The following CD2AP variants were observed in gnomAD, a reference collection of about 807,000 sequenced individuals.
CD2AP encodes the protein CD2 associated protein, also known as CD2-associated protein.
CD2AP carries 46 observed loss-of-function variants against 85.1 expected under a neutral mutation model. The ratio of observed to expected loss-of-function variants is 0.54; its 90% CI spans 0.43 to 0.69. The LOEUF is 0.69. Ranked by LOEUF, CD2AP falls within the 30% of genes least tolerant of loss-of-function variation. CD2AP has a pLI of 0.00. For synonymous variants in CD2AP, 255 were observed against 252.9 expected (o/e 1.01, Z -0.08); for missense variants, 769 against 729.5 (o/e 1.05, Z -0.62).
At chr6:47,586,989 G>A (rs1472664187) in intron 11 of CD2AP, among the ~76,000 whole-genome samples, 1 of 152,112 alleles carries the variant, frequency 6.6e-6, no homozygotes, top group African/African-American at 2.4e-5. Context: ...AATAGATCAG[G>A]TACCATGAAT....
intron 2 of CD2AP, among the ~76,000 whole-genome samples, chr6:47,530,373 T>A (rs1766841977): frequency 6.6e-6 from 1 of 152,230 alleles, no homozygotes. Context: ...CATCTCTCTT[T>A]CTGTGATCCT....
intron 2 of CD2AP, among the ~76,000 whole-genome samples, chr6:47,532,908 C>A (rs1235005424): frequency 2.6e-5 from 4 of 152,096 alleles, no homozygotes; most frequent in Non-Finnish European, 5.9e-5. Context: ...TTCATGTCTT[C>A]CAGTAAAATT....
chr6:47,624,080 A>T, intron 17 of CD2AP, 106 bp from the exon 18 acceptor site: 2 of 952,886 alleles, frequency 2.1e-6, no homozygotes, highest in Non-Finnish European at 3.3e-6. Context: ...TCTGGAAAAA[A>T]AGTCTGAAGG....
At chr6:47,540,667 G>C (rs932085398) in intron 3 of CD2AP, among the ~76,000 whole-genome samples, 2 of 151,908 alleles carry the variant, frequency 1.3e-5, no homozygotes, top group African/African-American at 4.8e-5. Context: ...AATATAACTA[G>C]GCTGCTCAGA....
chr6:47,506,779 T>G (rs1362505589), intron 2 of CD2AP, among the ~76,000 whole-genome samples: 3 of 131,344 alleles, frequency 2.3e-5, no homozygotes, highest in African/African-American at 2.8e-5. Context: ...AGGGAGACCG[T>G]GGGGAGAGGG....
rs561514195 is a variant in CD2AP at position 47,570,213 on chromosome 6, T to A, written c.542-3851T>A. Reference sequence around the variant, plus strand: ...TTCCGTTTTTCTCCAAACAAGTAATTGCATTTTGCAGTTCTTTTAAGTCAC... The same window carrying A: ...TTCCGTTTTTCTCCAAACAAGTAATAGCATTTTGCAGTTCTTTTAAGTCAC... On this transcript the variant is annotated intron_variant, in intron 5 of 17. Transcript: ENST00000359314. Among the ~76,000 whole-genome samples the A allele has an allele frequency of 3.3e-5, 5 of 152,284 alleles. No homozygotes were observed. The East Asian group carries it at 7.7e-4, about 24-fold the overall frequency.
intron 13 of CD2AP, among the ~76,000 whole-genome samples, chr6:47,602,083 A>G (rs1769155398): frequency 6.6e-6 from 1 of 152,018 alleles, no homozygotes; most frequent in Non-Finnish European, 1.5e-5. Flanking sequence ...TAAAGGATAT[A>G]AATCCCTGAC....
In CD2AP at chr6:47,503,277, T is replaced by C. The variant is rs1562005898; in HGVS notation, c.5-3T>C. 1 of 1,613,396 alleles carries C rather than the reference T, an allele frequency of 6.2e-7. No individual in the cohort carries two copies. Among genetic ancestry groups the C allele is most frequent in the Non-Finnish European group, 8.5e-7 (1 of 1,179,484 alleles). On this transcript the variant is annotated splice_region_variant and splice_polypyrimidine_tract_variant and intron_variant, in intron 1 of 17. Transcript: ENST00000359314. ...GACATTTCGTTTTTTCCCCCTTTTTTAGTTGACTATATTGTGGAGTATGAC... is the reference window on the plus strand; with the variant it reads ...GACATTTCGTTTTTTCCCCCTTTTTCAGTTGACTATATTGTGGAGTATGAC...
chr6:47,579,335 A>AAAG (rs918990573), intron 8 of CD2AP, 50 bp from the exon 9 acceptor site: 35 of 905,366 alleles, frequency 3.9e-5, no homozygotes, highest in African/African-American at 1.7e-4. Flanking sequence ...ACTTTATCTT[A>AAAG]AAAAAAAAAA....
chr6:47,544,501 T>G (rs1477033551), intron 3 of CD2AP, 105 bp from the exon 4 acceptor site: 1 of 784,890 alleles, frequency 1.3e-6, no homozygotes, highest in Non-Finnish European at 2.2e-6. Context: ...TACGTTCTGT[T>G]TTTATTTATT....
At chr6:47,509,589 A>G (rs1766264073) in intron 2 of CD2AP, among the ~76,000 whole-genome samples, 1 of 152,222 alleles carries the variant, frequency 6.6e-6, no homozygotes, top group Admixed American at 6.5e-5. Context: ...AGGGAATTGA[A>G]TATTTAGAGC....
chr6:47,616,873 A>T (rs1769604712), intron 17 of CD2AP, among the ~76,000 whole-genome samples: 1 of 152,166 alleles, frequency 6.6e-6, no homozygotes, highest in Non-Finnish European at 1.5e-5. Flanking sequence ...CACATTTTTT[A>T]CCATTGCCAC....
intron 2 of CD2AP, among the ~76,000 whole-genome samples, chr6:47,529,191 C>G (rs1033188835): frequency 8.9e-6 from 1 of 111,900 alleles, no homozygotes; most frequent in African/African-American, 3.6e-5. Context: ...CTGCCCCCCC[C>G]CCCCCCCCCA....
intron 2 of CD2AP, among the ~76,000 whole-genome samples, chr6:47,528,436 A>T (rs1259835165): frequency 6.6e-6 from 1 of 152,146 alleles, no homozygotes; most frequent in East Asian, 1.9e-4. Flanking sequence ...CAGCCTCCCA[A>T]AGTGCTGGGA....
intron 5 of CD2AP, among the ~76,000 whole-genome samples, chr6:47,558,124 G>A (rs969701411): frequency 6.6e-6 from 1 of 152,140 alleles, no homozygotes; most frequent in African/African-American, 2.4e-5. Context: ...TTGGCCCTCT[G>A]TTTGTCTTTT....
In CD2AP at chr6:47,492,855, A is replaced by C. The variant is rs148749357; in HGVS notation, c.5-10425A>C. Among the ~76,000 whole-genome samples the C allele has an allele frequency of 2.5e-3, 380 of 151,728 alleles. 1 individual carries two copies. The highest frequency in any genetic ancestry group is 8.5e-3 in the African/African-American group (351 of 41,386). On this transcript the variant is annotated intron_variant, in intron 1 of 17. Coordinates refer to ENST00000359314, the MANE Select transcript of CD2AP (RefSeq NM_012120.3). ...CTGTTTTCTTTGAGTGTTTTATATG[A>C]TTCCATTTTATGTCCTCTTTTAACA...
chr6:47,587,267 A>G (rs1168835816), intron 11 of CD2AP, among the ~76,000 whole-genome samples: 1 of 152,126 alleles, frequency 6.6e-6, no homozygotes, highest in Non-Finnish European at 1.5e-5. Context: ...CTTAGGTTCC[A>G]TGGAAGGTAT....
chr6:47,619,225 T>C (rs1184854401), intron 17 of CD2AP, among the ~76,000 whole-genome samples: 1 of 152,184 alleles, frequency 6.6e-6, no homozygotes, highest in African/African-American at 2.4e-5. Context: ...CTCGCCCCCT[T>C]CCCACTCTTC....
At chr6:47,496,202 T>C (rs1765852733) in intron 1 of CD2AP, among the ~76,000 whole-genome samples, 5 of 152,146 alleles carry the variant, frequency 3.3e-5, no homozygotes, top group Admixed American at 2.0e-4. Flanking sequence ...TCCTTATTTT[T>C]TCTTCTTTTT....
Sources: gnomAD v4.1 joint callset for allele counts (sites outside exome capture counted in the v4.1 genomes callset) on GRCh38, gnomAD v4.1.1 for gene constraint, MANE v1.5 for transcripts, NCBI Gene and HGNC (gene_info 2026-07-23, HGNC 2026-07-21) for gene names.